The following ZNF544 variants were observed in gnomAD, a reference collection of about 807,000 sequenced individuals.
The protein encoded by ZNF544 is zinc finger protein 544.
ZNF544 carries 10 observed loss-of-function variants against 13.5 expected under a neutral mutation model. The observed-to-expected ratio is 0.74, with a 90% confidence interval of 0.46 to 1.25. ZNF544 has a LOEUF of 1.25. Ranked by LOEUF, ZNF544 falls within the 50% of genes most tolerant of loss-of-function variation. ZNF544 has a pLI of 0.00. For synonymous variants in ZNF544, 323 were observed against 300.5 expected (o/e 1.07, Z -0.77); for missense variants, 896 against 845.6 (o/e 1.06, Z -0.74).
chr19:58,235,372 A>G (rs1222962245), intron 3 of ZNF544, among the ~76,000 whole-genome samples: 3 of 152,360 alleles, frequency 2.0e-5, no homozygotes, highest in East Asian at 1.9e-4. Flanking sequence ...TGGGACCACT[A>G]TCATATCTGC....
intron 3 of ZNF544, among the ~76,000 whole-genome samples, chr19:58,237,477 C>T (rs2042659987): frequency 1.3e-5 from 2 of 152,194 alleles, no homozygotes; most frequent in African/African-American, 2.4e-5. Context: ...AGTGCTGTGG[C>T]TCTGATTTCA....
chr19:58,244,750 T>C (rs983278839), intron 4 of ZNF544, among the ~76,000 whole-genome samples: 2 of 152,040 alleles, frequency 1.3e-5, no homozygotes, highest in African/African-American at 2.4e-5. Context: ...TAATTTATTA[T>C]ATTTTTAGTG....
intron 3 of ZNF544, among the ~76,000 whole-genome samples, chr19:58,236,708 A>G (rs2042465058): frequency 1.3e-5 from 2 of 151,754 alleles, no homozygotes; most frequent in South Asian, 4.2e-4. Context: ...TAGCATTTTT[A>G]AGCCTCCATT....
At chr19:58,246,666 T>G (rs554215125) in intron 5 of ZNF544, 45 bp from the exon 6 acceptor site, 1 of 1,598,408 alleles carries the variant, frequency 6.3e-7, no homozygotes, top group Non-Finnish European at 8.6e-7. Flanking sequence ...ACATGGTTCT[T>G]GGTGTCCAAG....
rs2049421469 is a variant in ZNF544 at position 58,263,517 on chromosome 19, T to G, written c.*763T>G. 17 of 985,310 alleles carry G rather than the reference T, an allele frequency of 1.7e-5. No individual in the cohort carries two copies. The highest frequency in any genetic ancestry group is 1.9e-5 in the Non-Finnish European group (16 of 829,948). The allele number at this position is 985,310 out of a possible 1,614,324, so 61.0% of individuals were successfully genotyped here. A position where few individuals can be genotyped will look rare whatever the true frequency, so the allele number is the denominator to read the frequency against. ...CAGACCTTGTTTACTAGAAATCAGG[T>G]GGCCAAAACATGACTCTCAGAGTGG... On this transcript the variant is annotated 3_prime_UTR_variant, in exon 7 of 7. Transcript: ENST00000687789.
chr19:58,244,818 G>C (rs2044725983), intron 4 of ZNF544, among the ~76,000 whole-genome samples: 2 of 152,122 alleles, frequency 1.3e-5, no homozygotes, highest in African/African-American at 4.8e-5. Context: ...CTCAAGAGAT[G>C]CTTCAGCCTC....
At chr19:58,229,863 G>A (rs1464433693) in intron 2 of ZNF544, 1 of 152,404 alleles carries the variant, frequency 6.6e-6, no homozygotes, top group Non-Finnish European at 1.5e-5. Context: ...TAAGGGAGTA[G>A]GGAAACATCT....
chr19:58,252,793 G>A (rs1016006641), intron 6 of ZNF544, among the ~76,000 whole-genome samples: 10 of 152,170 alleles, frequency 6.6e-5, no homozygotes, highest in South Asian at 6.2e-4. Flanking sequence ...ATATTTCCCC[G>A]TATCATAATC....
At chr19:58,272,913 G>A (rs1028640585) in intron 5 of ZNF544, among the ~76,000 whole-genome samples, 11 of 151,986 alleles carry the variant, frequency 7.2e-5, no homozygotes, top group African/African-American at 2.7e-4. Flanking sequence ...GCCGGGCGCG[G>A]TGGCTCATGC....
intron 6 of ZNF544, chr19:58,277,085 G>C (rs985452268): frequency 4.8e-5 from 40 of 830,146 alleles, no homozygotes; most frequent in Non-Finnish European, 5.9e-5. Context: ...CTCTGTCTTG[G>C]TTTGGTCTGG....
At chr19:58,267,442 T>C (rs1234768909), downstream of ZNF544, among the ~76,000 whole-genome samples, 1 of 151,886 alleles carries the variant, frequency 6.6e-6, no homozygotes, top group African/African-American at 2.4e-5. Flanking sequence ...GGCTCATGCC[T>C]GTAATCCCAG....
chr19:58,262,900 A>T lies in ZNF544; in HGVS notation c.*146A>T. 1 of 1,474,616 alleles carries T rather than the reference A, an allele frequency of 6.8e-7. No individual in the cohort carries two copies. The highest frequency in any genetic ancestry group is 8.9e-7 in the Non-Finnish European group (1 of 1,119,706). The allele number at this position is 1,474,616 out of a possible 1,614,324, so 91.3% of individuals were successfully genotyped here. On this transcript the variant is annotated 3_prime_UTR_variant, in exon 7 of 7. Coordinates refer to ENST00000687789, the MANE Select transcript of ZNF544 (RefSeq NM_014480.4). ...TTGAACATCAGAGGACATATCCTGGAGAAAAGCCCTACGAATGCATTGATT... is the reference window on the plus strand; with the variant it reads ...TTGAACATCAGAGGACATATCCTGGTGAAAAGCCCTACGAATGCATTGATT...
chr19:58,275,200 A>C (rs1302354496), intron 5 of ZNF544, among the ~76,000 whole-genome samples: 2 of 152,060 alleles, frequency 1.3e-5, no homozygotes, highest in Non-Finnish European at 2.9e-5. Flanking sequence ...GCCCCCCCAC[A>C]CTTGTCTCCC....
At chr19:58,272,979 C>G (rs12984197) in intron 5 of ZNF544, among the ~76,000 whole-genome samples, 4 of 151,302 alleles carry the variant, frequency 2.6e-5, no homozygotes, top group African/African-American at 4.9e-5. Flanking sequence ...TTCAGGAAAT[C>G]GAGACCATCC....
chr19:58,250,390 A>G (rs2046103885), intron 6 of ZNF544, among the ~76,000 whole-genome samples: 1 of 152,236 alleles, frequency 6.6e-6, no homozygotes, highest in African/African-American at 2.4e-5. Flanking sequence ...GGATTAGTGC[A>G]GTCTTCCCAA....
chr19:58,273,463 G>A (rs1418417589), intron 5 of ZNF544, among the ~76,000 whole-genome samples: 3 of 152,084 alleles, frequency 2.0e-5, no homozygotes, highest in East Asian at 1.9e-4. Context: ...GGCCAAGGTG[G>A]GCGGATCACC....
At position 58,262,173 on chromosome 19, in the gene ZNF544, A is replaced by C. The variant is rs1474755939; in HGVS notation, c.1567A>C (p.Asn523His). Residue 523 changes from asparagine to histidine, a missense_variant, in exon 7 of 7, where the codon AAC becomes CAC. By Grantham distance (68) the Asn-to-His change is moderately conservative. Transcript: ENST00000687789. ...THTGEKPYEC[N>H]LCGKSFSQSS... ...CACTGGAGAGAAGCCCTATGAGTGC[A>C]ACCTGTGTGGGAAATCCTTCTCCCA... 1 of 1,611,842 alleles carries C rather than the reference A, an allele frequency of 6.2e-7. No homozygotes were observed. Among genetic ancestry groups the C allele is most frequent in the African/African-American group, 1.3e-5 (1 of 74,164 alleles).
At chr19:58,242,277 G>A in intron 3 of ZNF544, 1 of 985,290 alleles carries the variant, frequency 1.0e-6, no homozygotes, top group Non-Finnish European at 1.2e-6. Flanking sequence ...TGATGCTGGT[G>A]GAAGAGGTTT....
chr19:58,244,164 C>A, intron 4 of ZNF544, 108 bp downstream of exon 4: 2 of 871,984 alleles, frequency 2.3e-6, no homozygotes, highest in Non-Finnish European at 3.5e-6. Flanking sequence ...CTCCGCAGTG[C>A]TGGCCAGTGC....
Sources: allele counts gnomAD v4.1 joint callset (sites outside exome capture counted in the v4.1 genomes callset), GRCh38; gene constraint gnomAD v4.1.1; transcripts MANE v1.5; gene names NCBI Gene and HGNC (gene_info 2026-07-23, HGNC 2026-07-21).